The following ABLIM1 variants were observed in gnomAD, a reference collection of about 807,000 sequenced individuals.
ABLIM1 encodes the protein actin-binding LIM protein 1.
Under a neutral mutation model 107.0 loss-of-function variants are expected in ABLIM1, and 40 were observed. The observed-to-expected ratio is 0.37, with a 90% CI of 0.29 to 0.49. ABLIM1 has a LOEUF of 0.49. Among genes scored for constraint, ABLIM1 ranks in the 20% least tolerant of loss-of-function variants. The pLI, the probability that ABLIM1 is intolerant of heterozygous loss-of-function variation, is 0.97. For missense variants in ABLIM1, 857 were observed against 1,008.5 expected, an observed-to-expected ratio of 0.85 and a Z score of 2.04; for synonymous variants, 357 against 357.3, an observed-to-expected ratio of 1.00 and a Z score of 0.01.
rs562422886 is a variant in ABLIM1 at position 114,593,730 on chromosome 10, T to C, written c.379+8097A>G. Among the ~76,000 whole-genome samples, 7 of 152,272 alleles carry C rather than the reference T, an allele frequency of 4.6e-5. No individual in the cohort carries two copies. The East Asian group carries it at 1.2e-3, about 25-fold the overall frequency. ...AAAGATAATTCAAAACAAAAAGTTA[T>C]CAGCACCTCAGCTCACAAGAGACTC... On this transcript the variant is annotated intron_variant, in intron 2 of 22. Transcript: ENST00000533213.
At chr10:114,558,456 A>T (rs1177351167) in intron 4 of ABLIM1, among the ~76,000 whole-genome samples, 2 of 152,182 alleles carry the variant, frequency 1.3e-5, no homozygotes, top group African/African-American at 4.8e-5. Flanking sequence ...TGACGTTCGC[A>T]GGATGGCTCT....
At chr10:114,794,419 G>C in the ABLIM1 span, among the ~76,000 whole-genome samples, 34 of 152,240 alleles carry the variant, frequency 2.2e-4, no homozygotes, top group African/African-American at 8.2e-4. Flanking sequence ...TAAGTACTCA[G>C]TAAGTTTTGC....
upstream of ABLIM1, among the ~76,000 whole-genome samples, chr10:114,771,731 T>C (rs1312183432): frequency 2.0e-5 from 3 of 152,190 alleles, no homozygotes; most frequent in Admixed American, 6.5e-5. Context: ...TTAGGAGACA[T>C]AGTAAATGCC....
chr10:114,571,426 G>A lies in ABLIM1; in HGVS notation c.564-20C>T, dbSNP rs375058631. The A allele has an allele frequency of 5.4e-5, 87 of 1,605,244 alleles. No homozygotes were observed. The highest frequency in any genetic ancestry group is 4.9e-4 in the Middle Eastern group (3 of 6,066). ...GGGCGCCTGGAGGCAGAAAGACATC[G>A]CCCTCAAGGTTATTGCAGCAATTTC... On this transcript the variant is annotated intron_variant, in intron 3 of 22. Transcript: ENST00000533213.
chr10:114,739,568 AT>A (rs199902742), intron 1 of ABLIM1, among the ~76,000 whole-genome samples: 191 of 151,832 alleles, frequency 1.3e-3, no homozygotes, highest in African/African-American at 3.7e-3. Context: ...TTGAGGCTGG[AT>A]TTTTTTTTAA....
chr10:114,541,445 A>G (rs1268732259), intron 6 of ABLIM1, among the ~76,000 whole-genome samples: 1 of 152,104 alleles, frequency 6.6e-6, no homozygotes, highest in East Asian at 1.9e-4. Context: ...CACCATCACA[A>G]TATTTCACCA....
chr10:114,535,006 T>A (rs996176044), intron 6 of ABLIM1, among the ~76,000 whole-genome samples: 2 of 152,202 alleles, frequency 1.3e-5, no homozygotes, highest in Admixed American at 1.3e-4. Context: ...ATCAGATAGA[T>A]TTTCCTCAAA....
At chr10:114,672,087 G>C (rs2080280693) in intron 1 of ABLIM1, among the ~76,000 whole-genome samples, 1 of 151,904 alleles carries the variant, frequency 6.6e-6, no homozygotes, top group African/African-American at 2.4e-5. Context: ...ATGTTGCCCG[G>C]GCTGGTCTTG....
At chr10:114,704,944 G>A (rs116736018) in intron 1 of ABLIM1, among the ~76,000 whole-genome samples, 2,518 of 152,232 alleles carry the variant, frequency 0.017, 68 homozygotes, top group African/African-American at 0.056. Flanking sequence ...GTCTTAAGAC[G>A]TTTTCAAAGG....
intron 14 of ABLIM1, among the ~76,000 whole-genome samples, chr10:114,448,837 T>C (rs865898629): frequency 1.3e-5 from 2 of 152,146 alleles, no homozygotes; most frequent in Non-Finnish European, 2.9e-5. Context: ...CTCGAACTCC[T>C]GACCTCAGGT....
intron 6 of ABLIM1, 46 bp from the exon 7 acceptor site, chr10:114,491,924 G>T (rs2059054436): frequency 1.4e-6 from 2 of 1,443,146 alleles, no homozygotes; most frequent in Non-Finnish European, 9.7e-7. Context: ...CCTTGTCATG[G>T]ATTCCAGAAT....
chr10:114,602,229 C>A (rs1488777953), intron 1 of ABLIM1, among the ~76,000 whole-genome samples: 1 of 152,188 alleles, frequency 6.6e-6, no homozygotes, highest in Non-Finnish European at 1.5e-5. Flanking sequence ...TCTAGGATGA[C>A]TTCATTGAAC....
At chr10:114,463,210 G>T in intron 12 of ABLIM1, 3 of 1,215,842 alleles carry the variant, frequency 2.5e-6, no homozygotes, top group Non-Finnish European at 3.2e-6. Flanking sequence ...AAACAGAAAA[G>T]AAGAACAGAA....
intron 6 of ABLIM1, among the ~76,000 whole-genome samples, chr10:114,508,573 G>A (rs897249049): frequency 2.0e-5 from 3 of 152,098 alleles, no homozygotes; most frequent in East Asian, 1.9e-4. Flanking sequence ...GTGTGGTTGC[G>A]CACTTGCAGT....
At chr10:114,574,151 A>G (rs1285671439) in intron 3 of ABLIM1, among the ~76,000 whole-genome samples, 1 of 152,224 alleles carries the variant, frequency 6.6e-6, no homozygotes, top group African/African-American at 2.4e-5. Flanking sequence ...GCTTAGAAAC[A>G]TACAATGCTG....
At chr10:114,743,920 A>T (rs1206513528) in intron 1 of ABLIM1, among the ~76,000 whole-genome samples, 1 of 152,248 alleles carries the variant, frequency 6.6e-6, no homozygotes, top group Admixed American at 6.5e-5. Context: ...AACATAAAGC[A>T]CACGTAGGGC....
At chr10:114,798,559 C>CCCA in the ABLIM1 span, among the ~76,000 whole-genome samples, 3 of 141,878 alleles carry the variant, frequency 2.1e-5, 1 homozygote, top group Non-Finnish European at 4.6e-5. Context: ...TGATGAGACC[C>CCCA]CCCCCCCATG....
intron 1 of ABLIM1, among the ~76,000 whole-genome samples, chr10:114,691,006 ATTCTGACTATAGTAAACAT>A (rs1374666848): frequency 6.6e-6 from 1 of 152,242 alleles, no homozygotes; most frequent in East Asian, 1.9e-4. Context: ...TCAAATAGTT[ATTCTGACTATAGTAAACAT>A]TTCTGACATG....
intron 7 of ABLIM1, among the ~76,000 whole-genome samples, chr10:114,490,266 A>G (rs1477504738): frequency 6.6e-6 from 1 of 152,226 alleles, no homozygotes; most frequent in Non-Finnish European, 1.5e-5. Flanking sequence ...AAGGCCTTTC[A>G]AAATTCCGTG....
Sources: allele counts gnomAD v4.1 joint callset (sites outside exome capture counted in the v4.1 genomes callset), GRCh38; gene constraint gnomAD v4.1.1; transcripts MANE v1.5; gene names NCBI Gene and HGNC (gene_info 2026-07-23, HGNC 2026-07-21).